UBE2L3: variants seen among roughly 807,000 people sequenced by gnomAD.
UBE2L3 encodes the protein ubiquitin-conjugating enzyme E2 L3.
UBE2L3 carries 1 observed loss-of-function variant against 17.8 expected under a neutral mutation model. The observed-to-expected ratio is 0.06, with a 90% CI of 0.02 to 0.27. The LOEUF is 0.27. Ranked by LOEUF, UBE2L3 falls within the 10% of genes least tolerant of loss-of-function variation. The probability of loss-of-function intolerance (pLI) is 1.00; values close to 1 mark genes in which losing one functional copy is unlikely to be tolerated. For missense variants in UBE2L3, 40 were observed against 192.6 expected (o/e 0.21, Z 4.69); for synonymous variants, 44 against 68.5 (o/e 0.64, Z 1.76).
chr22:21,609,226 CT>C (rs1929345978), intron 2 of UBE2L3, among the ~76,000 whole-genome samples: 1 of 152,142 alleles, frequency 6.6e-6, no homozygotes, highest in African/African-American at 2.4e-5. Context: ...AAACATATGT[CT>C]TACCATTGGA....
chr22:21,568,110 G>T (rs1386101950), intron 1 of UBE2L3: 30 of 1,096,996 alleles, frequency 2.7e-5, no homozygotes, highest in East Asian at 2.2e-4. Flanking sequence ...CGGTTGGGAG[G>T]CTCCAAACCG....
intron 2 of UBE2L3, among the ~76,000 whole-genome samples, chr22:21,593,521 C>T (rs577469571): frequency 3.3e-5 from 5 of 152,262 alleles, no homozygotes; most frequent in Admixed American, 2.0e-4. Flanking sequence ...GCTCCCCCAT[C>T]TCACAGTCTT....
intron 1 of UBE2L3, among the ~76,000 whole-genome samples, chr22:21,587,295 A>G (rs1032139261): frequency 3.3e-5 from 5 of 151,858 alleles, no homozygotes; most frequent in Admixed American, 3.3e-4. Flanking sequence ...GGTTCAAGCT[A>G]TTCTCCTGCC....
intron 2 of UBE2L3, among the ~76,000 whole-genome samples, chr22:21,603,660 G>A (rs1928986308): frequency 6.6e-6 from 1 of 151,384 alleles, no homozygotes; most frequent in African/African-American, 2.4e-5. Flanking sequence ...TGGTTAACAC[G>A]GTGAAACCCC....
chr22:21,565,398 T>C (rs1039798483), upstream of UBE2L3, among the ~76,000 whole-genome samples: 2 of 151,336 alleles, frequency 1.3e-5, no homozygotes, highest in Non-Finnish European at 2.9e-5. Context: ...GGCCCCAGGA[T>C]ATATTATTTC....
At chr22:21,578,549 A>G (rs61463873) in intron 1 of UBE2L3, among the ~76,000 whole-genome samples, 12,075 of 151,904 alleles carry the variant, frequency 0.079, 1,665 homozygotes, top group African/African-American at 0.28. Context: ...TCAGTCTGGT[A>G]GGGGGGTGCT....
intron 1 of UBE2L3, among the ~76,000 whole-genome samples, chr22:21,574,457 T>C (rs1184836065): frequency 6.6e-6 from 1 of 152,154 alleles, no homozygotes; most frequent in African/African-American, 2.4e-5. Flanking sequence ...AACCAAGACA[T>C]GTTCCAGGGC....
At chr22:21,557,059 A>G (rs1307452093) in intron 1 of UBE2L3, among the ~76,000 whole-genome samples, 1 of 152,244 alleles carries the variant, frequency 6.6e-6, no homozygotes, top group Non-Finnish European at 1.5e-5. Context: ...GAGTCAAAAA[A>G]AAAAGAAAAA....
rs371127802 is a variant in UBE2L3, at chr22:21,598,195, A to ATGTGTG, written c.123+5249_123+5254dup. On this transcript the variant is annotated intron_variant, in intron 2 of 3. Coordinates refer to ENST00000342192, the MANE Select transcript of UBE2L3 (RefSeq NM_003347.4). The stretch of plus-strand genomic sequence containing the variant: ...GATCTCTTCAAGGAAGGTTTCATTA[A>ATGTGTG]TGTGTGTGTGTGTGTTTTTCATTTA... 8.4e-3 allele frequency among the ~76,000 whole-genome samples: 1,253 copies of ATGTGTG among 148,506 alleles called. 22 individuals are homozygous for ATGTGTG. Among genetic ancestry groups the ATGTGTG allele is most frequent in the African/African-American group, 0.029 (1,193 of 40,790 alleles).
intron 1 of UBE2L3, among the ~76,000 whole-genome samples, chr22:21,579,415 A>G (rs1927505779): frequency 6.6e-6 from 1 of 152,120 alleles, no homozygotes; most frequent in Non-Finnish European, 1.5e-5. Flanking sequence ...GAAATGAGAG[A>G]ATTGCATTAG....
intron 1 of UBE2L3, among the ~76,000 whole-genome samples, chr22:21,588,254 A>T (rs1170719788): frequency 6.6e-6 from 1 of 152,068 alleles, no homozygotes; most frequent in East Asian, 1.9e-4. Context: ...TGTCATTTGT[A>T]ACATCCTTTT....
At chr22:21,614,415 C>G (rs1364634047) in intron 3 of UBE2L3, 4 of 447,764 alleles carry the variant, frequency 8.9e-6, no homozygotes, top group Non-Finnish European at 1.7e-5. Context: ...CATGGTGAAA[C>G]CCCGTCTGTA....
intron 1 of UBE2L3, among the ~76,000 whole-genome samples, chr22:21,571,718 T>C (rs115816709): frequency 2.0e-3 from 309 of 152,306 alleles, no homozygotes; most frequent in African/African-American, 7.3e-3. Context: ...TATTTAAAAA[T>C]GTTCACTCAG....
intron 2 of UBE2L3, among the ~76,000 whole-genome samples, chr22:21,601,143 C>G (rs1476564208): frequency 6.6e-6 from 1 of 151,990 alleles, no homozygotes; most frequent in Non-Finnish European, 1.5e-5. Context: ...TGCACTCCAG[C>G]CTCGGTGACA....
At chr22:21,586,477 C>T (rs1439809271) in intron 1 of UBE2L3, among the ~76,000 whole-genome samples, 2 of 151,904 alleles carry the variant, frequency 1.3e-5, no homozygotes, top group African/African-American at 4.8e-5. Context: ...ACCTTGTTGG[C>T]CGGGCTGGTT....
chr22:21,592,157 T>C (rs1928298146), intron 1 of UBE2L3, among the ~76,000 whole-genome samples: 1 of 152,106 alleles, frequency 6.6e-6, no homozygotes, highest in African/African-American at 2.4e-5. Flanking sequence ...ACCCCACATA[T>C]TTGCAAGGGG....
intron 2 of UBE2L3, among the ~76,000 whole-genome samples, chr22:21,609,403 A>G (rs562929738): frequency 3.3e-5 from 5 of 152,184 alleles, no homozygotes; most frequent in Non-Finnish European, 7.3e-5. Flanking sequence ...GACAAATGAC[A>G]TTCAACACTA....
chr22:21,575,665 C>T (rs1235526146), intron 1 of UBE2L3, among the ~76,000 whole-genome samples: 3 of 75,824 alleles, frequency 4.0e-5, no homozygotes, highest in Non-Finnish European at 4.6e-5. Flanking sequence ...TTTTTGGAGA[C>T]GGAGTCTCAC....
At chr22:21,567,587 C>A, upstream of UBE2L3, 1 of 1,464,734 alleles carries the variant, frequency 6.8e-7, no homozygotes, top group South Asian at 1.4e-5. Flanking sequence ...TTGCGTTCCT[C>A]CACGCGCCCC....
Sources: allele counts gnomAD v4.1 joint callset (sites outside exome capture counted in the v4.1 genomes callset), GRCh38; gene constraint gnomAD v4.1.1; transcripts MANE v1.5; gene names NCBI Gene and HGNC (gene_info 2026-07-23, HGNC 2026-07-21).